The following ANK1 variants were observed in gnomAD, a reference collection of about 807,000 sequenced individuals.
The protein encoded by ANK1 is ankyrin-1.
In ANK1, 51 loss-of-function variants were observed where a neutral mutation model predicts 210.4. The observed-to-expected ratio is 0.24, with a 90% confidence interval of 0.19 to 0.31. The LOEUF (loss-of-function observed/expected upper bound fraction) is 0.31, where lower values mean the gene tolerates loss of function less well. ANK1 is among the 10% of genes least tolerant of loss of function. The pLI is 1.00. For missense variants in ANK1, 2,051 were observed against 2,504.4 expected, an observed-to-expected ratio of 0.82 and a Z score of 3.86; for synonymous variants, 967 against 1,025.9, an observed-to-expected ratio of 0.94 and a Z score of 1.10.
intron 1 of ANK1, among the ~76,000 whole-genome samples, chr8:41,853,092 T>C (rs1411638148): frequency 6.6e-6 from 1 of 152,248 alleles, no homozygotes; most frequent in Non-Finnish European, 1.5e-5. Flanking sequence ...AAAGGCATCT[T>C]CATTTTGACA....
In ANK1 at chr8:41,668,429, G is replaced by A. The variant is rs146227434; in HGVS notation, c.5232C>T (p.Pro1744=). The change falls in exon 39 of 43, where the codon CCC becomes CCT. Residue 1744 remains proline, a synonymous_variant. Coordinates refer to ENST00000289734, the MANE Select transcript of ANK1 (RefSeq NM_000037.4). The part of the protein sequence containing the change: ...GTSTMTEGLE[P]GGSQEYEKVL... ...CCTTCTCGTACTCCTGAGATCCACC[G>A]GGCTCTAGCCCTTCAGTCATGGTAC... The A allele has an allele frequency of 9.9e-6, 16 of 1,614,188 alleles. No individual in the cohort carries two copies. The highest frequency in any genetic ancestry group is 6.7e-5 in the African/African-American group (5 of 75,044).
At chr8:41,677,037 C>T (rs1009830773) in intron 37 of ANK1, among the ~76,000 whole-genome samples, 11 of 152,108 alleles carry the variant, frequency 7.2e-5, no homozygotes, top group Non-Finnish European at 1.5e-4. Flanking sequence ...TTATATGGGG[C>T]TATATCTATT....
At chr8:41,892,171 C>T (rs1366465540) in intron 1 of ANK1, among the ~76,000 whole-genome samples, 1 of 152,082 alleles carries the variant, frequency 6.6e-6, no homozygotes, top group Non-Finnish European at 1.5e-5. Flanking sequence ...TTCCCCCCTC[C>T]ATCCCACTTT....
At chr8:41,660,155 C>T (rs550933128) in intron 42 of ANK1, among the ~76,000 whole-genome samples, 5 of 152,248 alleles carry the variant, frequency 3.3e-5, no homozygotes, top group East Asian at 1.9e-4. Context: ...GGGGTTAACA[C>T]GGTGACCTCC....
chr8:41,733,026 C>T (rs1470363755), intron 3 of ANK1, among the ~76,000 whole-genome samples: 6 of 152,260 alleles, frequency 3.9e-5, no homozygotes, highest in Admixed American at 2.0e-4. Context: ...GCGTGAGCCA[C>T]CGCGCCCAGT....
At chr8:41,776,613 C>T (rs1844104426) in intron 1 of ANK1, among the ~76,000 whole-genome samples, 1 of 152,146 alleles carries the variant, frequency 6.6e-6, no homozygotes. Context: ...CTGTGAAACC[C>T]ACTTCTTCGC....
At chr8:41,726,739 A>C (rs1297732689) in intron 5 of ANK1, among the ~76,000 whole-genome samples, 1 of 152,208 alleles carries the variant, frequency 6.6e-6, no homozygotes, top group Non-Finnish European at 1.5e-5. Flanking sequence ...AGGGCACAGG[A>C]CCGCAGGAAC....
chr8:41,719,506 C>T lies in ANK1; in HGVS notation c.1107+155G>A, dbSNP rs112410847. Among the ~76,000 whole-genome samples, 250 of 152,302 alleles carry T rather than the reference C, an allele frequency of 1.6e-3. 1 individual carries two copies. The highest frequency in any genetic ancestry group is 5.3e-3 in the African/African-American group (222 of 41,572). On this transcript the variant is annotated intron_variant, in intron 10 of 42. Coordinates refer to ENST00000289734, the MANE Select transcript of ANK1 (RefSeq NM_000037.4). ...GCAGGAGGGGTGCACACCAGGCCCC[C>T]ACCATCCAGTGCTGTCACACCCCAC...
intron 1 of ANK1, among the ~76,000 whole-genome samples, chr8:41,791,199 T>G (rs893375200): frequency 7.6e-6 from 1 of 131,640 alleles, no homozygotes; most frequent in Admixed American, 7.6e-5. Flanking sequence ...ACTTTGTTTT[T>G]TTTTTTTTTT....
At chr8:41,766,462 A>T (rs761150577) in intron 1 of ANK1, among the ~76,000 whole-genome samples, 2 of 152,210 alleles carry the variant, frequency 1.3e-5, no homozygotes, top group East Asian at 3.8e-4. Flanking sequence ...TCTGACTACC[A>T]TTGGCAAAAA....
At chr8:41,863,238 A>C (rs1409410336) in intron 1 of ANK1, among the ~76,000 whole-genome samples, 1 of 151,648 alleles carries the variant, frequency 6.6e-6, no homozygotes, top group Admixed American at 6.6e-5. Flanking sequence ...GGGCGCCTGT[A>C]GTCCCAGCTA....
intron 3 of ANK1, among the ~76,000 whole-genome samples, chr8:41,733,368 T>G (rs529142638): frequency 6.6e-6 from 1 of 152,332 alleles, no homozygotes; most frequent in East Asian, 1.9e-4. Context: ...CTCTACAACC[T>G]TCAGTAACAA....
chr8:41,761,955 C>A (rs1187583179), intron 1 of ANK1, among the ~76,000 whole-genome samples: 1 of 152,070 alleles, frequency 6.6e-6, no homozygotes, highest in African/African-American at 2.4e-5. Flanking sequence ...TCCATCCCTG[C>A]CTCACCCAGC....
At chr8:41,740,322 G>A (rs1476428867) in intron 2 of ANK1, among the ~76,000 whole-genome samples, 1 of 151,666 alleles carries the variant, frequency 6.6e-6, no homozygotes. Flanking sequence ...CACCACGCCT[G>A]GCTAATTTTT....
chr8:41,744,021 G>A (rs1835443755), intron 2 of ANK1, among the ~76,000 whole-genome samples: 1 of 152,116 alleles, frequency 6.6e-6, no homozygotes, highest in African/African-American at 2.4e-5. Context: ...AATGAGCCTG[G>A]GGCACCTTGT....
intron 5 of ANK1, among the ~76,000 whole-genome samples, chr8:41,726,859 A>T (rs549622568): frequency 2.1e-4 from 32 of 152,256 alleles, no homozygotes; most frequent in Non-Finnish European, 4.0e-4. Flanking sequence ...CAATGACAAG[A>T]CTCAGGACCA....
intron 1 of ANK1, among the ~76,000 whole-genome samples, chr8:41,765,665 G>A (rs1417793072): frequency 1.3e-5 from 2 of 152,156 alleles, no homozygotes; most frequent in African/African-American, 2.4e-5. Flanking sequence ...GAGAAGGAAG[G>A]GAACAGAATT....
chr8:41,760,940 C>G (rs1840250069), intron 1 of ANK1, among the ~76,000 whole-genome samples: 2 of 151,870 alleles, frequency 1.3e-5, no homozygotes, highest in African/African-American at 4.8e-5. Flanking sequence ...ATGGTGCCCC[C>G]CAAAAGATAT....
At chr8:41,887,685 T>C (rs543730329) in intron 1 of ANK1, among the ~76,000 whole-genome samples, 1 of 152,374 alleles carries the variant, frequency 6.6e-6, no homozygotes, top group East Asian at 1.9e-4. Context: ...GTTACTTGGC[T>C]ACTCTGGCCC....
Sources: gnomAD v4.1 joint callset for allele counts (sites outside exome capture counted in the v4.1 genomes callset) on GRCh38, gnomAD v4.1.1 for gene constraint, MANE v1.5 for transcripts, NCBI Gene and HGNC (gene_info 2026-07-23, HGNC 2026-07-21) for gene names.